FLVCR1: variants seen among roughly 807,000 people sequenced by gnomAD.
The protein encoded by FLVCR1 is FLVCR choline and heme transporter 1.
A neutral mutation model predicts 53.6 loss-of-function variants in FLVCR1; 34 were observed. The ratio of observed to expected loss-of-function variants is 0.63; its 90% confidence interval spans 0.48 to 0.84. The LOEUF is 0.84. Ranked by LOEUF, FLVCR1 falls within the 40% of genes least tolerant of loss-of-function variation. FLVCR1 has a pLI of 0.00. For synonymous variants in FLVCR1, 300 were observed against 286.3 expected, an observed-to-expected ratio of 1.05 and a Z score of -0.48; for missense variants, 677 against 696.7, an observed-to-expected ratio of 0.97 and a Z score of 0.32.
chr1:212,888,666 A>T, intron 7 of FLVCR1, 72 bp downstream of exon 7: 1 of 1,145,738 alleles, frequency 8.7e-7, no homozygotes, highest in Non-Finnish European at 1.3e-6. Flanking sequence ...GAGTTTGACC[A>T]TGGTTTTATT....
chr1:212,895,187 C>T (rs113937009), intron 9 of FLVCR1, 29 bp from the exon 10 acceptor site: 3 of 1,541,994 alleles, frequency 1.9e-6, no homozygotes, highest in South Asian at 1.1e-5. Context: ...AGATGCTATA[C>T]ATTTTTAATC....
At chr1:212,872,581 C>T (rs1306116613) in intron 2 of FLVCR1, 97 bp from the exon 3 acceptor site, 1 of 839,660 alleles carries the variant, frequency 1.2e-6, no homozygotes, top group Non-Finnish European at 1.9e-6. Context: ...ATTCTGTCTG[C>T]TCACTAAGAA....
At position 212,880,894 on chromosome 1, in the gene FLVCR1, A is replaced by G. The variant is rs1184999842; in HGVS notation, c.1025-2477A>G. 2.0e-5 allele frequency among the ~76,000 whole-genome samples: 3 copies of G among 152,180 alleles called. No individual in the cohort carries two copies. The East Asian group carries it at 5.8e-4, about 29-fold the overall frequency. On this transcript the variant is annotated intron_variant, in intron 3 of 9. Coordinates refer to ENST00000366971, the MANE Select transcript of FLVCR1 (RefSeq NM_014053.4). ...AAAACTGCATGTCCAGTGTGAATTGACAGCTAGTTTCTGCTCATCAAAGTT... is the reference window on the plus strand; with the variant it reads ...AAAACTGCATGTCCAGTGTGAATTGGCAGCTAGTTTCTGCTCATCAAAGTT...
Position 212,896,854 on chromosome 1 carries a change from C to CAAAAA in FLVCR1, c.*1564_*1565insAAAAA, listed in dbSNP as rs1665347401. 1 of 36,034 alleles carries CAAAAA rather than the reference C, an allele frequency of 2.8e-5. No homozygotes were observed. The highest frequency in any genetic ancestry group is 1.2e-4 in the African/African-American group (1 of 8,206). 2.2% of individuals were successfully genotyped at this position (36,034 alleles called of 1,614,324 possible). On this transcript the variant is annotated 3_prime_UTR_variant, in exon 10 of 10. Transcript: ENST00000366971. ...CCAACATGGTAAAACCCCATCTCTACTAAAAAAAAAAAAAAAAAAAAAAAA... is the reference window on the plus strand; with the variant it reads ...CCAACATGGTAAAACCCCATCTCTACAAAAATAAAAAAAAAAAAAAAAAAAAAAAA...
intron 2 of FLVCR1, among the ~76,000 whole-genome samples, chr1:212,868,302 G>A (rs1310327734): frequency 6.6e-6 from 1 of 152,126 alleles, no homozygotes; most frequent in Non-Finnish European, 1.5e-5. Context: ...TCACCATGTT[G>A]CCCAGGCTGT....
intron 1 of FLVCR1, among the ~76,000 whole-genome samples, chr1:212,861,575 C>A (rs532706399): frequency 6.6e-6 from 1 of 152,292 alleles, no homozygotes; most frequent in African/African-American, 2.4e-5. Context: ...CCAGTCTTGG[C>A]ACTGTTTACG....
chr1:212,887,745 G>A (rs1001539006), intron 5 of FLVCR1, 146 bp from the exon 6 acceptor site: 1 of 577,096 alleles, frequency 1.7e-6, no homozygotes, highest in Non-Finnish European at 3.1e-6. Context: ...TTTAAAATTT[G>A]TGCTTTGGTG....
intron 3 of FLVCR1, among the ~76,000 whole-genome samples, chr1:212,873,956 A>G (rs1664677559): frequency 6.6e-6 from 1 of 152,186 alleles, no homozygotes; most frequent in Admixed American, 6.5e-5. Context: ...CAGCTTCAAC[A>G]GTTATCAATA....
chr1:212,864,593 G>A (rs1017895279), intron 2 of FLVCR1: 3 of 152,302 alleles, frequency 2.0e-5, no homozygotes, highest in African/African-American at 7.2e-5. Context: ...GTTTATTTAA[G>A]TAATATAGCT....
chr1:212,858,438 C>T lies in FLVCR1; in HGVS notation c.-15C>T. 2.1e-6 allele frequency: 3 copies of T among 1,431,650 alleles called. No homozygotes were observed. Among genetic ancestry groups the T allele is most frequent in the South Asian group, 1.5e-5 (1 of 67,582 alleles). 88.7% of individuals were successfully genotyped at this position (1,431,650 alleles called of 1,614,324 possible). On this transcript the variant is annotated 5_prime_UTR_variant, in exon 1 of 10. Coordinates refer to ENST00000366971, the MANE Select transcript of FLVCR1 (RefSeq NM_014053.4). Reference sequence around the variant, plus strand: ...GTGGGGCGGGGGAGCGAGGTGGCGCCGGGGAGCCTGGGATATGGCGCGGCC... The same window carrying T: ...GTGGGGCGGGGGAGCGAGGTGGCGCTGGGGAGCCTGGGATATGGCGCGGCC...
At chr1:212,870,121 AGAG>A (rs1425319291) in intron 2 of FLVCR1, 4 of 152,248 alleles carry the variant, frequency 2.6e-5, no homozygotes, top group Non-Finnish European at 5.9e-5. Context: ...AATGAAAGGA[AGAG>A]GAGGATTTGC....
chr1:212,884,260 T>C (rs886954740), intron 4 of FLVCR1, among the ~76,000 whole-genome samples: 6 of 151,806 alleles, frequency 4.0e-5, no homozygotes, highest in Admixed American at 3.3e-4. Context: ...GATCGTGCCA[T>C]TGTATTCCAT....
At chr1:212,859,335 C>T in intron 1 of FLVCR1, 145 bp downstream of exon 1, 1 of 1,251,582 alleles carries the variant, frequency 8.0e-7, no homozygotes, top group Non-Finnish European at 1.1e-6. Context: ...AATAGGAGGC[C>T]GTCTTGGATT....
intron 3 of FLVCR1, among the ~76,000 whole-genome samples, chr1:212,880,137 G>T (rs72743968): frequency 1.3e-5 from 2 of 152,164 alleles, no homozygotes; most frequent in East Asian, 3.9e-4. Flanking sequence ...CTAACCCAGC[G>T]TGGTCCACGT....
At chr1:212,875,633 A>G (rs114481031) in intron 3 of FLVCR1, among the ~76,000 whole-genome samples, 1,602 of 152,208 alleles carry the variant, frequency 0.011, 26 homozygotes, top group African/African-American at 0.036. Flanking sequence ...ACTTGAGGCC[A>G]GTTCAAGACC....
At position 212,897,585 on chromosome 1, in the gene FLVCR1, TCA is replaced by T. The variant is rs1665375434; in HGVS notation, c.*2298_*2299del. 6.6e-6 allele frequency: 1 copy of T among 152,252 alleles called. No individual in the cohort carries two copies. Among genetic ancestry groups the T allele is most frequent in the Non-Finnish European group, 1.5e-5 (1 of 68,082 alleles). The allele number at this position is 152,252 out of a possible 1,614,324, so 9.4% of individuals were successfully genotyped here. On this transcript the variant is annotated 3_prime_UTR_variant, in exon 10 of 10. Coordinates refer to ENST00000366971, the MANE Select transcript of FLVCR1 (RefSeq NM_014053.4). ...TATAAATAAAAGAGGTTTAAGTGGC[TCA>T]CAGTTCTGCAGGCTGTGTAAGCATG... is the stretch of plus-strand genomic sequence containing the variant.
chr1:212,895,266 C>G lies in FLVCR1; in HGVS notation c.1644C>G (p.Ser548=), dbSNP rs1457330970. ...AAGAACCAAAAACGGTTATGTTGTC[C>G]AAGCAGTCAGAATCAGCAATTTGAA... ...TDQEPKTVML[S]KQSESAI is the part of the protein sequence containing the mutation. Residue 548 remains serine (S), a synonymous_variant, in exon 10 of 10, where the codon TCC becomes TCG. Transcript: ENST00000366971. 2 of 1,613,140 alleles carry G rather than the reference C, an allele frequency of 1.2e-6. No individual in the cohort carries two copies. Among genetic ancestry groups the G allele is most frequent in the African/African-American group, 2.7e-5 (2 of 74,846 alleles).
At chr1:212,864,692 T>G (rs1664355832) in intron 2 of FLVCR1, among the ~76,000 whole-genome samples, 1 of 152,260 alleles carries the variant, frequency 6.6e-6, no homozygotes, top group Admixed American at 6.5e-5. Context: ...ATGCCATCTT[T>G]TAATCATTCA....
chr1:212,858,308 G>A lies in FLVCR1; in HGVS notation c.-145G>A. The stretch of plus-strand genomic sequence containing the variant: ...ATCTGTTCACGCGGTAGCGCGGATT[G>A]CGGTTCGCGGCGCGCGCCACCGGGG... On this transcript the variant is annotated 5_prime_UTR_variant, in exon 1 of 10. Transcript: ENST00000366971. The A allele has an allele frequency of 1.2e-6, 1 of 803,038 alleles. No individual in the cohort carries two copies. The highest frequency in any genetic ancestry group is 1.8e-5 in the African/African-American group (1 of 55,832). The allele number at this position is 803,038 out of a possible 1,614,324, so 49.7% of individuals were successfully genotyped here.
Sources: gnomAD v4.1 joint callset for allele counts (sites outside exome capture counted in the v4.1 genomes callset) on GRCh38, gnomAD v4.1.1 for gene constraint, MANE v1.5 for transcripts, NCBI Gene and HGNC (gene_info 2026-07-23, HGNC 2026-07-21) for gene names.